The following RAI2 variants were observed in gnomAD, a reference collection of about 807,000 sequenced individuals.
RAI2 encodes the protein retinoic acid induced 2, also known as retinoic acid-induced protein 2.
Under a neutral mutation model 15.3 loss-of-function variants are expected in RAI2, and 5 were observed. The ratio of observed to expected loss-of-function variants is 0.33; its 90% confidence interval spans 0.17 to 0.69. RAI2 has a LOEUF of 0.69. RAI2 is among the 30% of genes least tolerant of loss of function. RAI2 has a pLI of 0.69. For missense variants in RAI2, 424 were observed against 424.7 expected (o/e 1.00, Z 0.01); for synonymous variants, 191 against 184.0 (o/e 1.04, Z -0.31).
chrX:17,811,710 CCTT>C (rs746524169), intron 1 of RAI2, among the ~76,000 whole-genome samples: 2 of 111,665 alleles, frequency 1.8e-5, no homozygotes, highest in East Asian at 5.7e-4. Context: ...CAGATTTTCC[CCTT>C]CTTCTAATGC....
chrX:17,835,308 C>T (rs2067322446), intron 1 of RAI2, among the ~76,000 whole-genome samples: 2 of 112,311 alleles, frequency 1.8e-5, no homozygotes, highest in African/African-American at 6.5e-5. Flanking sequence ...GAGGCAAATA[C>T]AGCCGCTGGG....
intron 1 of RAI2, among the ~76,000 whole-genome samples, chrX:17,824,367 G>A (rs1429477785): frequency 8.9e-6 from 1 of 112,202 alleles, no homozygotes; most frequent in South Asian, 3.7e-4. Flanking sequence ...CCATTTCCAC[G>A]GGGAGGCGAG....
intron 1 of RAI2, among the ~76,000 whole-genome samples, chrX:17,826,013 C>T (rs1032332325): frequency 2.7e-5 from 3 of 112,321 alleles, no homozygotes; most frequent in African/African-American, 9.7e-5. Context: ...TCTTTTAAAA[C>T]ATAAATCAAA....
intron 1 of RAI2, among the ~76,000 whole-genome samples, chrX:17,830,794 C>CATA (rs1402115813): frequency 9.0e-6 from 1 of 111,381 alleles, no homozygotes; most frequent in Non-Finnish European, 1.9e-5. Context: ...GAAAAAGCTG[C>CATA]ATAATAGTTG....
Position 17,801,870 on chromosome X carries a change from C to T in RAI2, c.141G>A (p.Lys47=), listed in dbSNP as rs1190068419. The change falls in exon 2 of 2, where the codon AAG becomes AAA. Residue 47 remains lysine (K), a synonymous_variant. Coordinates refer to ENST00000451717, the MANE Select transcript of RAI2 (RefSeq NM_021785.6). ...GGGCTGGCACGGTCACCAGGGCCTTCTTTACCAGGTCAGTGGAGTTGATGT... is the reference window on the plus strand; with the variant it reads ...GGGCTGGCACGGTCACCAGGGCCTTTTTTACCAGGTCAGTGGAGTTGATGT... ...AWNINSTDLV[K]KALVTVPAPS... is the part of the protein sequence containing the mutation. 8.3e-6 allele frequency: 10 copies of T among 1,208,423 alleles called. No homozygotes were observed. The highest frequency in any genetic ancestry group is 5.3e-5 in the South Asian group (3 of 56,610).
At chrX:17,833,741 CT>C (rs971597599) in intron 1 of RAI2, among the ~76,000 whole-genome samples, 1 of 111,753 alleles carries the variant, frequency 8.9e-6, no homozygotes, top group Non-Finnish European at 1.9e-5. Flanking sequence ...GATGAACTCG[CT>C]TTACTTACTT....
chrX:17,813,833 C>A (rs1315304999), intron 1 of RAI2, among the ~76,000 whole-genome samples: 2 of 111,613 alleles, frequency 1.8e-5, no homozygotes, highest in African/African-American at 6.5e-5. Flanking sequence ...GAAGTTAGGG[C>A]TCTCAAAGGA....
intron 1 of RAI2, among the ~76,000 whole-genome samples, chrX:17,812,576 A>C (rs2067061460): frequency 8.9e-6 from 1 of 112,315 alleles, no homozygotes; most frequent in Non-Finnish European, 1.9e-5. Context: ...TGGACTCATG[A>C]GCACTTTCAA....
chrX:17,804,317 G>A (rs2066954347), intron 1 of RAI2, among the ~76,000 whole-genome samples: 1 of 112,240 alleles, frequency 8.9e-6, no homozygotes, highest in African/African-American at 3.2e-5. Context: ...CTCATCCTGA[G>A]TGAAACAGAC....
At chrX:17,842,655 GAAA>G (rs780365815) in intron 1 of RAI2, among the ~76,000 whole-genome samples, 1 of 66,396 alleles carries the variant, frequency 1.5e-5, no homozygotes. Context: ...ATATGTATAG[GAAA>G]AAAAAAAAAA....
chrX:17,838,033 A>T (rs1003378271), intron 1 of RAI2, among the ~76,000 whole-genome samples: 3 of 112,538 alleles, frequency 2.7e-5, no homozygotes, highest in South Asian at 7.4e-4. Context: ...AACAACATGG[A>T]TGAATCTCAT....
At chrX:17,808,571 A>G (rs1303020102) in intron 1 of RAI2, among the ~76,000 whole-genome samples, 1 of 111,175 alleles carries the variant, frequency 9.0e-6, no homozygotes, top group Admixed American at 9.5e-5. Flanking sequence ...TCAATCGCCC[A>G]TCTTCCTTCT....
At chrX:17,808,753 A>G (rs1192996543) in intron 1 of RAI2, among the ~76,000 whole-genome samples, 1 of 111,088 alleles carries the variant, frequency 9.0e-6, no homozygotes, top group Non-Finnish European at 1.9e-5. Flanking sequence ...CCCTTCCATC[A>G]ATGCCCTATT....
At chrX:17,822,476 C>T (rs1316450748) in intron 1 of RAI2, among the ~76,000 whole-genome samples, 1 of 111,923 alleles carries the variant, frequency 8.9e-6, no homozygotes, top group East Asian at 2.8e-4. Context: ...TCAGCCCCTC[C>T]ACTCTCTGCC....
At chrX:17,830,561 AAAC>A (rs1238901760) in intron 1 of RAI2, among the ~76,000 whole-genome samples, 1 of 110,324 alleles carries the variant, frequency 9.1e-6, no homozygotes, top group Non-Finnish European at 1.9e-5. Context: ...AAACAATACA[AAAC>A]AACAAGAGAA....
intron 1 of RAI2, among the ~76,000 whole-genome samples, chrX:17,810,106 G>A (rs1376433244): frequency 9.0e-6 from 1 of 111,132 alleles, no homozygotes; most frequent in African/African-American, 3.3e-5. Flanking sequence ...GGAACCTGAG[G>A]CTCAGAGGAG....
intron 1 of RAI2, among the ~76,000 whole-genome samples, chrX:17,830,991 T>C (rs2067276696): frequency 8.9e-6 from 1 of 112,120 alleles, no homozygotes; most frequent in African/African-American, 3.2e-5. Flanking sequence ...ATGAGAACTA[T>C]CCTCTAGAAA....
intron 1 of RAI2, among the ~76,000 whole-genome samples, chrX:17,841,336 C>G (rs1260095016): frequency 1.8e-5 from 2 of 112,072 alleles, no homozygotes; most frequent in Non-Finnish European, 3.8e-5. Context: ...AGACAAGAAG[C>G]TGTACCATGC....
intron 1 of RAI2, among the ~76,000 whole-genome samples, chrX:17,817,831 A>G (rs1442447865): frequency 8.9e-6 from 1 of 112,529 alleles, no homozygotes; most frequent in African/African-American, 3.2e-5. Context: ...GATTTTCTAT[A>G]GGAAAGGTCC....
Sources: gnomAD v4.1 joint callset for allele counts (sites outside exome capture counted in the v4.1 genomes callset) on GRCh38, gnomAD v4.1.1 for gene constraint, MANE v1.5 for transcripts, NCBI Gene and HGNC (gene_info 2026-07-23, HGNC 2026-07-21) for gene names.